The following MYO1F variants were observed in gnomAD, a reference collection of about 807,000 sequenced individuals.
MYO1F encodes myosin IF, also known as unconventional myosin-If.
MYO1F carries 60 observed loss-of-function variants against 146.6 expected under a neutral mutation model. The ratio of observed to expected loss-of-function variants is 0.41; its 90% CI spans 0.33 to 0.51. MYO1F has a LOEUF of 0.51. MYO1F is among the 20% of genes least tolerant of loss of function. The pLI is 0.25. For missense variants in MYO1F, 1,274 were observed against 1,534.3 expected, an observed-to-expected ratio of 0.83 and a Z score of 2.83; for synonymous variants, 602 against 602.1, an observed-to-expected ratio of 1.00 and a Z score of 0.00.
At chr19:8,556,713 C>A (rs1407108204) in intron 1 of MYO1F, among the ~76,000 whole-genome samples, 3 of 151,128 alleles carry the variant, frequency 2.0e-5, no homozygotes, top group African/African-American at 7.3e-5. Context: ...TATGGAGAAA[C>A]CCCGTCTATA....
Position 8,550,295 on chromosome 19 carries a change from G to C in MYO1F, c.966C>G (p.Thr322=). Residue 322 remains threonine, a synonymous_variant, in exon 10 of 28, where the codon ACC becomes ACG. Coordinates refer to ENST00000644032, the MANE Select transcript of MYO1F (RefSeq NM_012335.4). ...IDSGRLQEKL[T]SRKMDSRWGG... is the part of the protein sequence containing the mutation. ...CCCAGCGGCTGTCCATCTTGCGGCTGGTCAGCTTCTCCTGCAGTCGCCCGC... is the reference window on the plus strand; with the variant it reads ...CCCAGCGGCTGTCCATCTTGCGGCTCGTCAGCTTCTCCTGCAGTCGCCCGC... 2 of 1,614,092 alleles carry C rather than the reference G, an allele frequency of 1.2e-6. No individual in the cohort carries two copies. Among genetic ancestry groups the C allele is most frequent in the South Asian group, 1.1e-5 (1 of 91,080 alleles).
intron 1 of MYO1F, among the ~76,000 whole-genome samples, chr19:8,568,761 A>AAATAC (rs1438557153): frequency 6.6e-6 from 1 of 151,988 alleles, no homozygotes; most frequent in Admixed American, 6.6e-5. Context: ...TCTCTACTAA[A>AAATAC]AATACAAAAA....
chr19:8,570,371 C>A (rs1373395287), intron 1 of MYO1F, among the ~76,000 whole-genome samples: 3 of 150,604 alleles, frequency 2.0e-5, no homozygotes, highest in African/African-American at 7.4e-5. Context: ...CACCCAGCCA[C>A]ATTTTTTTTT....
chr19:8,550,453 C>T lies in MYO1F; in HGVS notation c.905-97G>A, dbSNP rs939863729. On this transcript the variant is annotated intron_variant, in intron 9 of 27. Coordinates refer to ENST00000644032, the MANE Select transcript of MYO1F (RefSeq NM_012335.4). The stretch of plus-strand genomic sequence containing the variant: ...ATTATCCCCATCTTGCCCAGTGACA[C>T]CCACATTTTTTTCCTCGTGGGCTTT... 7 of 1,598,984 alleles carry T rather than the reference C, an allele frequency of 4.4e-6. No individual in the cohort carries two copies. In the Admixed American group the frequency reaches 1.0e-4, roughly 24 times the overall value.
At chr19:8,550,086 C>T in intron 10 of MYO1F, 74 bp downstream of exon 10, 1 of 1,529,238 alleles carries the variant, frequency 6.5e-7, no homozygotes, top group Admixed American at 1.7e-5. Context: ...AGCCGTGAGC[C>T]ACTGCACTCA....
At chr19:8,559,800 A>G (rs1275079374) in intron 1 of MYO1F, among the ~76,000 whole-genome samples, 1 of 151,964 alleles carries the variant, frequency 6.6e-6, no homozygotes, top group African/African-American at 2.4e-5. Context: ...AAATACAAAA[A>G]TTAGCTGGGC....
intron 1 of MYO1F, among the ~76,000 whole-genome samples, chr19:8,568,907 C>G (rs918230840): frequency 6.6e-5 from 10 of 152,050 alleles, no homozygotes; most frequent in Admixed American, 2.6e-4. Context: ...GGCAACAGAG[C>G]GAGACTCCAT....
intron 1 of MYO1F, among the ~76,000 whole-genome samples, chr19:8,559,078 C>T (rs1321972928): frequency 2.6e-5 from 4 of 151,984 alleles, no homozygotes; most frequent in East Asian, 1.9e-4. Context: ...CGGGGTTTCA[C>T]TGTGTTGCTC....
chr19:8,527,190 G>C, intron 22 of MYO1F, 148 bp downstream of exon 22: 1 of 1,138,370 alleles, frequency 8.8e-7, no homozygotes, highest in Non-Finnish European at 1.3e-6. Context: ...GAGCATAGGG[G>C]GCAGGTGAAC....
rs147248262 is a variant in MYO1F, at chr19:8,550,507, C to T, written c.904+55G>A. 3,713 of 1,613,758 alleles carry T rather than the reference C, an allele frequency of 2.3e-3. 10 individuals are homozygous for T. Among genetic ancestry groups the T allele is most frequent in the Admixed American group, 4.3e-3 (258 of 59,982 alleles). On this transcript the variant is annotated intron_variant, in intron 9 of 27. Coordinates refer to ENST00000644032, the MANE Select transcript of MYO1F (RefSeq NM_012335.4). The stretch of plus-strand genomic sequence containing the variant: ...CTTCCTGGGGGCTGAGCTAGGAGGA[C>T]GCAGTTCACCCACCCACAGGCCTCC...
chr19:8,538,584 A>ATTTT (rs79984981), intron 16 of MYO1F, among the ~76,000 whole-genome samples: 122 of 126,504 alleles, frequency 9.6e-4, no homozygotes, highest in African/African-American at 3.2e-3. Flanking sequence ...TCCCGGTCTG[A>ATTTT]TTTTTTTTTT....
chr19:8,561,021 G>T (rs915390905), intron 1 of MYO1F, among the ~76,000 whole-genome samples: 3 of 150,408 alleles, frequency 2.0e-5, no homozygotes, highest in Admixed American at 6.6e-5. Flanking sequence ...ATAGGTGTGA[G>T]CCACTGCGCC....
At chr19:8,533,131 C>T (rs1010682789) in intron 19 of MYO1F, among the ~76,000 whole-genome samples, 4 of 151,592 alleles carry the variant, frequency 2.6e-5, no homozygotes, top group Middle Eastern at 3.4e-3. Flanking sequence ...TCTCGGCTCC[C>T]GGGCTCAAGG....
intron 10 of MYO1F, chr19:8,549,915 C>G (rs1033416982): frequency 9.0e-5 from 53 of 588,390 alleles, no homozygotes; most frequent in Non-Finnish European, 1.3e-4. Context: ...ATCCCCCAAC[C>G]TCAGCCCTCT....
chr19:8,546,810 C>A (rs1403659203), intron 12 of MYO1F, among the ~76,000 whole-genome samples: 1 of 152,136 alleles, frequency 6.6e-6, no homozygotes, highest in African/African-American at 2.4e-5. Context: ...TCCTGAGTAG[C>A]TGGGATTACA....
At chr19:8,538,766 T>G (rs2145862221) in intron 16 of MYO1F, among the ~76,000 whole-genome samples, 1 of 151,258 alleles carries the variant, frequency 6.6e-6, no homozygotes, top group Non-Finnish European at 1.5e-5. Context: ...TTTTAATTTA[T>G]TTTTTATAGA....
intron 1 of MYO1F, among the ~76,000 whole-genome samples, chr19:8,566,318 C>T (rs955457265): frequency 4.6e-5 from 7 of 150,836 alleles, no homozygotes; most frequent in Middle Eastern, 3.5e-3. Context: ...CAGGCTCCCA[C>T]GGCCATGCCC....
rs924764164 is a variant in MYO1F, at chr19:8,550,248, T to C, written c.1013A>G (p.Asn338Ser). The change falls in exon 10 of 28, where the codon AAT (asparagine) becomes AGT (serine). Residue 338 changes from asparagine to serine, a missense_variant. Asn to Ser is a conservative substitution (Grantham distance 46). Around this residue, in one of 2 missense-constraint regions of MYO1F, gnomAD observed 900 missense variants for 1,155.1 expected, o/e 0.78. Transcript: ENST00000644032. ...TGCCTGCTCCACGTTGAGGGTCACA[T>C]TGATGGACTCGCTGCGCCCGCCCCA... Reference protein sequence around the residue: ...SRWGGRSESINVTLNVEQAAY... With the variant: ...SRWGGRSESISVTLNVEQAAY... 10 of 1,614,064 alleles carry C rather than the reference T, an allele frequency of 6.2e-6. No homozygotes were observed. Among genetic ancestry groups the C allele is most frequent in the Non-Finnish European group, 8.5e-6 (10 of 1,180,046 alleles).
At chr19:8,574,577 T>TTCTTTCTTTCTTTCTTTCTCTCTC (rs1335184271) in intron 1 of MYO1F, among the ~76,000 whole-genome samples, 4 of 79,788 alleles carry the variant, frequency 5.0e-5, no homozygotes, top group East Asian at 3.5e-4. Flanking sequence ...CTTTCTTTCT[T>TTCTTTCTTTCTTTCTTTCTCTCTC]TCTCTCTCTC....
Sources: allele counts gnomAD v4.1 joint callset (sites outside exome capture counted in the v4.1 genomes callset), GRCh38; gene constraint gnomAD v4.1.1; regional missense constraint gnomAD v4.1.1; transcripts MANE v1.5; gene names NCBI Gene and HGNC (gene_info 2026-07-23, HGNC 2026-07-21).